UST: variants seen among roughly 807,000 people sequenced by gnomAD.
The protein encoded by UST is chondroitin sulfate 2-O-sulfotransferase.
In UST, 21 loss-of-function variants were observed where a neutral mutation model predicts 45.6. That is an observed-to-expected ratio of 0.46 (90% CI 0.33 to 0.66). UST has a LOEUF of 0.66. Ranked by LOEUF, UST falls within the 30% of genes least tolerant of loss-of-function variation. UST has a pLI of 0.02. For missense variants in UST, 463 were observed against 512.4 expected (o/e 0.90, Z 0.93); for synonymous variants, 215 against 200.6 (o/e 1.07, Z -0.61).
At chr6:148,887,522 G>A (rs74962713) in intron 2 of UST, among the ~76,000 whole-genome samples, 1 of 152,282 alleles carries the variant, frequency 6.6e-6, no homozygotes, top group African/African-American at 2.4e-5. Context: ...CCTGTAAGCA[G>A]TTTTGTCTGA....
intron 1 of UST, among the ~76,000 whole-genome samples, chr6:148,873,772 G>A (rs1373011523): frequency 2.8e-4 from 42 of 152,026 alleles, no homozygotes; most frequent in Non-Finnish European, 4.4e-5. Context: ...TGTAGAATGA[G>A]GTCCGGAGAG....
chr6:149,005,142 G>C (rs914858557), intron 5 of UST, among the ~76,000 whole-genome samples: 1 of 152,042 alleles, frequency 6.6e-6, no homozygotes, highest in Non-Finnish European at 1.5e-5. Context: ...GCCTTACAGA[G>C]AACCCAATAT....
chr6:149,003,012 T>TC (rs1781582140), intron 5 of UST, among the ~76,000 whole-genome samples: 1 of 152,208 alleles, frequency 6.6e-6, no homozygotes, highest in Non-Finnish European at 1.5e-5. Flanking sequence ...ATGCCTTAAT[T>TC]CATAATGTAA....
chr6:148,788,034 G>A (rs1371817481), intron 1 of UST, among the ~76,000 whole-genome samples: 1 of 152,204 alleles, frequency 6.6e-6, no homozygotes, highest in Non-Finnish European at 1.5e-5. Context: ...AGAAAAAGAG[G>A]TTTAATGGAC....
At chr6:148,814,094 C>T (rs1212490182) in intron 1 of UST, among the ~76,000 whole-genome samples, 2 of 152,138 alleles carry the variant, frequency 1.3e-5, no homozygotes, top group Non-Finnish European at 2.9e-5. Context: ...GTTATGGGCG[C>T]TCAATAAATT....
intron 1 of UST, among the ~76,000 whole-genome samples, chr6:148,764,254 A>G (rs573051905): frequency 2.0e-5 from 3 of 152,144 alleles, no homozygotes; most frequent in Admixed American, 6.5e-5. Flanking sequence ...TTTTGTGGCT[A>G]TTGTAAATGA....
chr6:148,876,597 A>G (rs1778656059), intron 1 of UST, among the ~76,000 whole-genome samples: 3 of 152,116 alleles, frequency 2.0e-5, no homozygotes, highest in Non-Finnish European at 4.4e-5. Flanking sequence ...AGTTCTACTG[A>G]ATCCATTAAG....
chr6:148,924,539 A>C (rs770521058), intron 2 of UST, among the ~76,000 whole-genome samples: 4 of 152,174 alleles, frequency 2.6e-5, no homozygotes, highest in Non-Finnish European at 5.9e-5. Context: ...TTAAGTCCTA[A>C]GGGGAGAGGA....
intron 1 of UST, among the ~76,000 whole-genome samples, chr6:148,757,734 A>G (rs1776124432): frequency 6.6e-6 from 1 of 152,252 alleles, no homozygotes; most frequent in Non-Finnish European, 1.5e-5. Flanking sequence ...TACAATTTTC[A>G]TAATCTTGAT....
chr6:149,025,472 G>C (rs1034166328), intron 7 of UST, among the ~76,000 whole-genome samples: 3 of 152,124 alleles, frequency 2.0e-5, no homozygotes, highest in African/African-American at 7.2e-5. Flanking sequence ...TCTTCCAGCC[G>C]GTGCGCAGCT....
At chr6:148,863,522 C>T (rs911252242) in intron 1 of UST, among the ~76,000 whole-genome samples, 5 of 152,208 alleles carry the variant, frequency 3.3e-5, no homozygotes, top group African/African-American at 9.7e-5. Flanking sequence ...AGTCATTCTC[C>T]GTCCAGCTTT....
At chr6:149,022,762 C>G (rs2115020706) in intron 7 of UST, among the ~76,000 whole-genome samples, 1 of 152,282 alleles carries the variant, frequency 6.6e-6, no homozygotes, top group African/African-American at 2.4e-5. Flanking sequence ...GATCCCGTTG[C>G]ACAAGGTCAA....
chr6:148,814,064 A>G (rs1777312795), intron 1 of UST, among the ~76,000 whole-genome samples: 1 of 152,154 alleles, frequency 6.6e-6, no homozygotes, highest in African/African-American at 2.4e-5. Context: ...AAATTTATTA[A>G]ATTTTATAGC....
At position 149,006,498 on chromosome 6, in the gene UST, A is replaced by C. The variant is rs188358088; in HGVS notation, c.682-12641A>C. 2.6e-5 allele frequency among the ~76,000 whole-genome samples: 4 copies of C among 152,310 alleles called. No individual in the cohort carries two copies. The East Asian group carries it at 7.7e-4, about 29-fold the overall frequency. On this transcript the variant is annotated intron_variant, in intron 5 of 7. Transcript: ENST00000367463. ...TATTTTCTTTATCCAGTCTATCACC[A>C]ATGGGCATTTGGGCTGATTCTGTGT...
intron 1 of UST, among the ~76,000 whole-genome samples, chr6:148,861,862 A>T (rs1294464268): frequency 6.6e-6 from 1 of 152,178 alleles, no homozygotes; most frequent in Non-Finnish European, 1.5e-5. Flanking sequence ...GGTCTGACAG[A>T]CAGTTTTTTG....
intron 1 of UST, among the ~76,000 whole-genome samples, chr6:148,826,445 A>T (rs1777568978): frequency 6.6e-6 from 1 of 151,474 alleles, no homozygotes; most frequent in African/African-American, 2.4e-5. Flanking sequence ...TTTTTTTTTA[A>T]ATGAATTAAC....
chr6:148,925,518 A>T (rs998445853), intron 2 of UST, among the ~76,000 whole-genome samples: 1 of 152,246 alleles, frequency 6.6e-6, no homozygotes, highest in Non-Finnish European at 1.5e-5. Context: ...GCCAATGTGT[A>T]GGTTGTTTGC....
At chr6:149,062,387 T>C (rs1244720171) in intron 7 of UST, among the ~76,000 whole-genome samples, 5 of 152,220 alleles carry the variant, frequency 3.3e-5, no homozygotes, top group Non-Finnish European at 7.3e-5. Context: ...GTTAATCCAG[T>C]CTTGCAGATG....
At chr6:149,018,284 A>AC (rs386359483) in intron 5 of UST, among the ~76,000 whole-genome samples, 19 of 21,974 alleles carry the variant, frequency 8.6e-4, no homozygotes, top group East Asian at 8.5e-3. Context: ...CTACCGACTC[A>AC]TAATTTCATC....
Sources: allele counts gnomAD v4.1 joint callset (sites outside exome capture counted in the v4.1 genomes callset), GRCh38; gene constraint gnomAD v4.1.1; transcripts MANE v1.5; gene names NCBI Gene and HGNC (gene_info 2026-07-23, HGNC 2026-07-21).